The following PTPRG variants were observed in gnomAD, a reference collection of about 807,000 sequenced individuals.
The protein encoded by PTPRG is receptor-type tyrosine-protein phosphatase gamma.
Under a neutral mutation model 165.3 loss-of-function variants are expected in PTPRG, and 102 were observed. That is an observed-to-expected ratio of 0.62 (90% CI 0.53 to 0.73). The LOEUF is 0.73. PTPRG is among the 30% of genes least tolerant of loss of function. PTPRG has a pLI of 0.00. For synonymous variants in PTPRG, 675 were observed against 669.5 expected (o/e 1.01, Z -0.13); for missense variants, 1,866 against 1,861.4 (o/e 1.00, Z -0.05).
At chr3:61,828,172 T>C (rs891689121) in intron 2 of PTPRG, among the ~76,000 whole-genome samples, 2 of 152,008 alleles carry the variant, frequency 1.3e-5, no homozygotes, top group Non-Finnish European at 2.9e-5. Flanking sequence ...CATTACATAG[T>C]TTATTTATTC....
Position 61,871,170 on chromosome 3 carries a change from GTTATGTTATGTTATGTTA to G in PTPRG, c.191-118453_191-118436del, listed in dbSNP as rs1559660212. 3.2e-3 allele frequency among the ~76,000 whole-genome samples: 212 copies of G among 66,368 alleles called. 1 individual carries two copies. The highest frequency in any genetic ancestry group is 8.7e-3 in the East Asian group (8 of 922). The allele number at this position is 66,368 out of a possible 152,430, so 43.5% of individuals were successfully genotyped here. ...GTTGTGTTGTGTTGTGTTGTGTTAT[GTTATGTTATGTTATGTTA>G]TGTTATGTTATGTTATGTTATGTTA... On this transcript the variant is annotated intron_variant, in intron 2 of 29. Transcript: ENST00000474889.
intron 4 of PTPRG, among the ~76,000 whole-genome samples, chr3:62,060,866 A>G (rs192440711): frequency 2.8e-4 from 42 of 152,210 alleles, no homozygotes; most frequent in Non-Finnish European, 5.6e-4. Flanking sequence ...TGATCATAAT[A>G]CATGGAGTTC....
At chr3:61,691,969 G>T (rs141530172) in intron 1 of PTPRG, among the ~76,000 whole-genome samples, 1 of 152,122 alleles carries the variant, frequency 6.6e-6, no homozygotes, top group Non-Finnish European at 1.5e-5. Context: ...ATACATTTTC[G>T]GTTGCAGAGA....
chr3:61,949,257 T>G (rs1312737503), intron 2 of PTPRG, among the ~76,000 whole-genome samples: 1 of 152,178 alleles, frequency 6.6e-6, no homozygotes, highest in Non-Finnish European at 1.5e-5. Flanking sequence ...TGGATTTAAA[T>G]GAACAGATGG....
At chr3:61,690,305 A>G (rs571265448) in intron 1 of PTPRG, among the ~76,000 whole-genome samples, 36 of 152,322 alleles carry the variant, frequency 2.4e-4, no homozygotes, top group African/African-American at 6.5e-4. Context: ...GAGATGGCAA[A>G]GACCCCCTAA....
intron 8 of PTPRG, among the ~76,000 whole-genome samples, chr3:62,182,778 T>A (rs1428057744): frequency 6.6e-6 from 1 of 152,184 alleles, no homozygotes; most frequent in East Asian, 1.9e-4. Context: ...TGCCTCAGTC[T>A]CCCGAGTAGC....
At chr3:61,921,124 CT>C (rs1422061379) in intron 2 of PTPRG, among the ~76,000 whole-genome samples, 3 of 45,486 alleles carry the variant, frequency 6.6e-5, no homozygotes, top group Non-Finnish European at 1.6e-4. Flanking sequence ...CATCTCCTTC[CT>C]TCCTTCCTTC....
rs995547009 is a variant in PTPRG at position 61,927,672 on chromosome 3, C to T, written c.191-61953C>T. 5.3e-5 allele frequency among the ~76,000 whole-genome samples: 8 copies of T among 152,124 alleles called. No individual in the cohort carries two copies. The South Asian group carries it at 1.7e-3, about 32-fold the overall frequency. On this transcript the variant is annotated intron_variant, in intron 2 of 29. Transcript: ENST00000474889. ...TTTAAGTAGAACCAGGACAGAATAA[C>T]CCTGGAGCTATGTTTGGTGTGGTTT... is the stretch of plus-strand genomic sequence containing the variant.
rs869118813 is a variant in PTPRG at position 61,870,476 on chromosome 3, C to CTTTTT, written c.191-119127_191-119123dup. 1.1e-4 allele frequency among the ~76,000 whole-genome samples: 2 copies of CTTTTT among 17,966 alleles called. 1 individual carries two copies. The highest frequency in any genetic ancestry group is 5.7e-4 in the African/African-American group (2 of 3,508). 11.8% of individuals were successfully genotyped at this position (17,966 alleles called of 152,430 possible). A position where few individuals can be genotyped will look rare whatever the true frequency, so the allele number is the denominator to read the frequency against. ...TACAGGCATGAACTACCACACCTAG[C>CTTTTT]TTTTTTTTTTTTTTTTTTTTTTTTT... On this transcript the variant is annotated intron_variant, in intron 2 of 29. Coordinates refer to ENST00000474889, the MANE Select transcript of PTPRG (RefSeq NM_002841.4).
Position 61,728,121 on chromosome 3 carries a change from A to G in PTPRG, c.86-20757A>G, listed in dbSNP as rs115992719. ...AAATTTGCCTAGCGTGCTGGCAAAGAGGAACAGTCTGTTGGAGATGAGTGA... is the reference window on the plus strand; with the variant it reads ...AAATTTGCCTAGCGTGCTGGCAAAGGGGAACAGTCTGTTGGAGATGAGTGA... On this transcript the variant is annotated intron_variant, in intron 1 of 29. Coordinates refer to ENST00000474889, the MANE Select transcript of PTPRG (RefSeq NM_002841.4). Among the ~76,000 whole-genome samples the G allele has an allele frequency of 8.0e-3, 1,214 of 152,322 alleles. 24 individuals are homozygous for G. The highest frequency in any genetic ancestry group is 0.027 in the African/African-American group (1,132 of 41,554).
chr3:61,566,801 C>G (rs550835178), intron 1 of PTPRG, among the ~76,000 whole-genome samples: 27 of 152,330 alleles, frequency 1.8e-4, no homozygotes, highest in Admixed American at 3.9e-4. Flanking sequence ...TGGGCTGTTG[C>G]TTTAACACTT....
At chr3:61,839,166 GAGAAA>G (rs1280375508) in intron 2 of PTPRG, among the ~76,000 whole-genome samples, 1 of 152,118 alleles carries the variant, frequency 6.6e-6, no homozygotes, top group Non-Finnish European at 1.5e-5. Flanking sequence ...TAACATCACT[GAGAAA>G]AGAAATTTCA....
chr3:61,969,882 A>G (rs1332137124), intron 2 of PTPRG, among the ~76,000 whole-genome samples: 3 of 152,192 alleles, frequency 2.0e-5, no homozygotes, highest in South Asian at 2.1e-4. Flanking sequence ...TCCTTTCTCA[A>G]TCACACTGGT....
At chr3:61,563,051 C>G (rs762274880) in intron 1 of PTPRG, among the ~76,000 whole-genome samples, 1 of 151,920 alleles carries the variant, frequency 6.6e-6, no homozygotes, top group Non-Finnish European at 1.5e-5. Flanking sequence ...TCGGAGAGAT[C>G]CGTGTCTCCC....
At chr3:61,941,691 A>G (rs1471617757) in intron 2 of PTPRG, among the ~76,000 whole-genome samples, 1 of 152,224 alleles carries the variant, frequency 6.6e-6, no homozygotes, top group Non-Finnish European at 1.5e-5. Flanking sequence ...TGAACTAACC[A>G]TTGAAATTTG....
intron 6 of PTPRG, among the ~76,000 whole-genome samples, chr3:62,151,221 G>T (rs193282553): frequency 4.6e-5 from 7 of 152,186 alleles, no homozygotes; most frequent in African/African-American, 1.7e-4. Context: ...GGCCGCGCTG[G>T]GCTTAATGGT....
chr3:62,015,197 G>A (rs1300207755), intron 4 of PTPRG, among the ~76,000 whole-genome samples: 2 of 152,214 alleles, frequency 1.3e-5, no homozygotes, highest in Non-Finnish European at 2.9e-5. Context: ...CCTTCTCTGT[G>A]GAGGGCAGAG....
At chr3:61,595,193 T>C (rs1331339588) in intron 1 of PTPRG, among the ~76,000 whole-genome samples, 1 of 152,180 alleles carries the variant, frequency 6.6e-6, no homozygotes, top group Non-Finnish European at 1.5e-5. Context: ...TTGTTTTTTT[T>C]TTTTTCCTTT....
rs1161897370 is a variant in PTPRG at position 62,003,399 on chromosome 3, G to A, written c.421G>A (p.Gly141Ser). The change falls in exon 4 of 30, where the codon GGC becomes AGC. Residue 141 changes from glycine (G) to serine (S), a missense_variant. This residue lies in a region of PTPRG where 408 missense variants were observed against 376.2 expected (regional missense o/e 1.08). Coordinates refer to ENST00000474889, the MANE Select transcript of PTPRG (RefSeq NM_002841.4). ...DYFVSGAGLP[G>S]RFKAEKVEFH... ...TTTTGTCAGTGGAGCTGGTCTACCTGGCAGATTCAAAGCTGAGAAGGTGGA... is the reference window on the plus strand; with the variant it reads ...TTTTGTCAGTGGAGCTGGTCTACCTAGCAGATTCAAAGCTGAGAAGGTGGA... 6.2e-7 allele frequency: 1 copy of A among 1,614,070 alleles called. No homozygotes were observed. The highest frequency in any genetic ancestry group is 8.5e-7 in the Non-Finnish European group (1 of 1,179,952).
Sources: gnomAD v4.1 joint callset for allele counts (sites outside exome capture counted in the v4.1 genomes callset) on GRCh38, gnomAD v4.1.1 for gene constraint, gnomAD v4.1.1 regional missense constraint, MANE v1.5 for transcripts, NCBI Gene and HGNC (gene_info 2026-07-23, HGNC 2026-07-21) for gene names.